The following NKAIN3 variants were observed in gnomAD, a reference collection of about 807,000 sequenced individuals.
NKAIN3 encodes the protein sodium/potassium transporting ATPase interacting 3.
Under a neutral mutation model 30.2 loss-of-function variants are expected in NKAIN3, and 25 were observed. The ratio of observed to expected loss-of-function variants is 0.83; its 90% CI spans 0.60 to 1.16. The LOEUF (loss-of-function observed/expected upper bound fraction) is 1.16, where lower values mean the gene tolerates loss of function less well. Ranked by LOEUF, NKAIN3 falls within the 50% of genes most tolerant of loss-of-function variation. NKAIN3 has a pLI of 0.00. For synonymous variants in NKAIN3, 91 were observed against 89.6 expected, an observed-to-expected ratio of 1.02 and a Z score of -0.09; for missense variants, 225 against 254.1, an observed-to-expected ratio of 0.89 and a Z score of 0.78.
At position 62,435,376 on chromosome 8, in the gene NKAIN3, C is replaced by CA. The variant is rs1332418845; in HGVS notation, c.55-144158dup. 3.3e-5 allele frequency among the ~76,000 whole-genome samples: 5 copies of CA among 152,192 alleles called. No homozygotes were observed. In the East Asian group the frequency reaches 9.7e-4, roughly 29 times the overall value. On this transcript the variant is annotated intron_variant, in intron 1 of 6. Coordinates refer to ENST00000623646, the MANE Select transcript of NKAIN3 (RefSeq NM_001304533.3). ...AGCATGAGCTTCCGTGTACTCTTAC[C>CA]AAAAACCACACGCTGACAGAATTAG... is the stretch of plus-strand genomic sequence containing the variant.
At chr8:62,926,520 A>G (rs1391924928) in intron 5 of NKAIN3, among the ~76,000 whole-genome samples, 1 of 150,662 alleles carries the variant, frequency 6.6e-6, no homozygotes, top group Non-Finnish European at 1.5e-5. Flanking sequence ...CTCATTCTTC[A>G]TCACTGCTTT....
At position 62,969,781 on chromosome 8, in the gene NKAIN3, T is replaced by C. The variant is rs967226460; in HGVS notation, c.*4374T>C. 5.9e-5 allele frequency among the ~76,000 whole-genome samples: 9 copies of C among 152,192 alleles called. No individual in the cohort carries two copies. In the East Asian group the frequency reaches 1.7e-3, roughly 29 times the overall value. Reference sequence around the variant, plus strand: ...TTGTTTGATAGAAGGTCTGTTGAAGTGTCTAAGAACCATGTTGAAATATTT... The same window carrying C: ...TTGTTTGATAGAAGGTCTGTTGAAGCGTCTAAGAACCATGTTGAAATATTT... On this transcript the variant is annotated 3_prime_UTR_variant, in exon 7 of 7. Transcript: ENST00000623646.
rs1426338664 is a variant in NKAIN3, at chr8:62,980,239, T to C, written c.*14832T>C. 2 of 152,224 alleles carry C rather than the reference T, an allele frequency of 1.3e-5. No homozygotes were observed. The highest frequency in any genetic ancestry group is 2.4e-5 in the African/African-American group (1 of 41,456). The allele number at this position is 152,224 out of a possible 1,614,324, so 9.4% of individuals were successfully genotyped here. ...AAATTTTGTTCCTAAGGAATTGATT[T>C]TGCAAATCAGTGCTAAAGTCACTTT... On this transcript the variant is annotated 3_prime_UTR_variant, in exon 7 of 7. Transcript: ENST00000623646.
At chr8:62,477,298 C>T (rs554445020) in intron 1 of NKAIN3, among the ~76,000 whole-genome samples, 2 of 151,860 alleles carry the variant, frequency 1.3e-5, no homozygotes, top group Admixed American at 1.3e-4. Context: ...TTTTTGGAGC[C>T]CTTTGCCAAA....
intron 4 of NKAIN3, among the ~76,000 whole-genome samples, chr8:62,819,000 T>G (rs918085101): frequency 6.6e-6 from 1 of 151,768 alleles, no homozygotes; most frequent in Admixed American, 6.6e-5. Context: ...CAAAAAGACA[T>G]TCATGGTATA....
chr8:62,467,042 G>A (rs994281339), intron 1 of NKAIN3, among the ~76,000 whole-genome samples: 4 of 152,076 alleles, frequency 2.6e-5, no homozygotes, highest in Non-Finnish European at 4.4e-5. Context: ...ACCTGCCTCC[G>A]ACCTCTCACC....
chr8:62,627,249 A>T (rs1450319681), intron 3 of NKAIN3, among the ~76,000 whole-genome samples: 1 of 152,124 alleles, frequency 6.6e-6, no homozygotes, highest in African/African-American at 2.4e-5. Flanking sequence ...AATGTATTTA[A>T]ATGTCTTTAA....
chr8:62,813,070 C>T (rs1001158649), intron 4 of NKAIN3, among the ~76,000 whole-genome samples: 15 of 151,846 alleles, frequency 9.9e-5, no homozygotes, highest in African/African-American at 3.6e-4. Context: ...CAGTGATATC[C>T]AATTTTCCTG....
chr8:62,578,909 A>C (rs1810205723), intron 1 of NKAIN3, among the ~76,000 whole-genome samples: 1 of 152,026 alleles, frequency 6.6e-6, no homozygotes, highest in Non-Finnish European at 1.5e-5. Context: ...AGCGAGGAAA[A>C]GATAAAATGA....
At position 62,889,907 on chromosome 8, in the gene NKAIN3, T is replaced by G. The variant is rs114559248; in HGVS notation, c.472-28546T>G. ...TATCTTATTAATATTTCTGGTTCCA[T>G]GTTGAGAGGCCACAGTGGAATGGTA... On this transcript the variant is annotated intron_variant, in intron 4 of 6. Coordinates refer to ENST00000623646, the MANE Select transcript of NKAIN3 (RefSeq NM_001304533.3). Among the ~76,000 whole-genome samples the G allele has an allele frequency of 5.8e-3, 884 of 152,246 alleles. 6 individuals are homozygous for G. The highest frequency in any genetic ancestry group is 0.02 in the African/African-American group (838 of 41,548).
intron 4 of NKAIN3, among the ~76,000 whole-genome samples, chr8:62,844,996 T>C (rs1819633986): frequency 6.6e-6 from 1 of 151,958 alleles, no homozygotes; most frequent in Admixed American, 6.6e-5. Context: ...TGAAAGGCAG[T>C]TTAGATGAAA....
At chr8:62,594,436 G>A (rs964785913) in intron 3 of NKAIN3, among the ~76,000 whole-genome samples, 1 of 151,918 alleles carries the variant, frequency 6.6e-6, no homozygotes, top group Admixed American at 6.6e-5. Context: ...TCACTCCCAG[G>A]CTCTTTGCTA....
intron 4 of NKAIN3, among the ~76,000 whole-genome samples, chr8:62,774,958 G>T (rs1817142206): frequency 6.6e-6 from 1 of 152,116 alleles, no homozygotes; most frequent in Non-Finnish European, 1.5e-5. Context: ...GTATTGTTCA[G>T]AATAGTTTGG....
intron 6 of NKAIN3, among the ~76,000 whole-genome samples, chr8:62,964,578 G>GTGTA (rs1178300747): frequency 1.5e-3 from 220 of 145,170 alleles, no homozygotes; most frequent in African/African-American, 5.5e-3. Flanking sequence ...GTGTGTGTGT[G>GTGTA]CTTCCCCACA....
intron 1 of NKAIN3, among the ~76,000 whole-genome samples, chr8:62,529,905 A>G (rs1225704698): frequency 1.3e-5 from 2 of 152,090 alleles, no homozygotes; most frequent in African/African-American, 2.4e-5. Flanking sequence ...TCCACAATAT[A>G]TTTGGTAGCA....
At chr8:62,304,936 A>G (rs1814176992) in intron 1 of NKAIN3, among the ~76,000 whole-genome samples, 2 of 150,528 alleles carry the variant, frequency 1.3e-5, no homozygotes, top group South Asian at 4.1e-4. Context: ...CAGAGATGTG[A>G]GGCAAAAATG....
At chr8:62,541,829 C>T (rs898145374) in intron 1 of NKAIN3, among the ~76,000 whole-genome samples, 1 of 151,864 alleles carries the variant, frequency 6.6e-6, no homozygotes, top group Admixed American at 6.6e-5. Flanking sequence ...TGAAGTTGTT[C>T]TTAATTATTG....
At chr8:62,873,584 G>A (rs1028937473) in intron 4 of NKAIN3, among the ~76,000 whole-genome samples, 3 of 150,480 alleles carry the variant, frequency 2.0e-5, no homozygotes, top group African/African-American at 7.4e-5. Flanking sequence ...CCATATAATT[G>A]GAAGTAAAAC....
chr8:62,727,317 C>T (rs1262309879), intron 3 of NKAIN3, among the ~76,000 whole-genome samples: 1 of 152,094 alleles, frequency 6.6e-6, no homozygotes, highest in African/African-American at 2.4e-5. Context: ...GCTCACCACT[C>T]TTTTTTACCA....
Sources: allele counts gnomAD v4.1 joint callset (sites outside exome capture counted in the v4.1 genomes callset), GRCh38; gene constraint gnomAD v4.1.1; transcripts MANE v1.5; gene names NCBI Gene and HGNC (gene_info 2026-07-23, HGNC 2026-07-21).